Variants in GRM5 observed in about 807,000 individuals in gnomAD.
GRM5 encodes metabotropic glutamate receptor 5.
In GRM5, 19 loss-of-function variants were observed where a neutral mutation model predicts 83.1. That is an observed-to-expected ratio of 0.23 (90% CI 0.16 to 0.34). The LOEUF (loss-of-function observed/expected upper bound fraction) is 0.34. Ranked by LOEUF, GRM5 falls within the 10% of genes least tolerant of loss-of-function variation. The pLI is 1.00. For synonymous variants in GRM5, 675 were observed against 633.6 expected (o/e 1.07, Z -0.98); for missense variants, 1,160 against 1,588.3 (o/e 0.73, Z 4.58).
chr11:88,867,462 G>A (rs960249033), intron 2 of GRM5, among the ~76,000 whole-genome samples: 24 of 151,686 alleles, frequency 1.6e-4, no homozygotes, highest in African/African-American at 3.1e-4. Context: ...GTTTTATTGC[G>A]TCTTTTTTCA....
chr11:88,549,899 T>C (rs946198770), intron 8 of GRM5, among the ~76,000 whole-genome samples: 6 of 152,248 alleles, frequency 3.9e-5, no homozygotes, highest in Admixed American at 1.3e-4. Context: ...GACAGGGTGG[T>C]GGATCAACAA....
chr11:88,909,582 T>A (rs1945460762), intron 2 of GRM5, among the ~76,000 whole-genome samples: 1 of 151,192 alleles, frequency 6.6e-6, no homozygotes, highest in South Asian at 2.1e-4. Context: ...ATTTTCTATT[T>A]TCATCTCTAG....
At chr11:88,630,220 T>C (rs760667174) in intron 4 of GRM5, among the ~76,000 whole-genome samples, 2 of 152,152 alleles carry the variant, frequency 1.3e-5, no homozygotes, top group Non-Finnish European at 2.9e-5. Context: ...TAATATAGTA[T>C]ATATTTCACT....
intron 3 of GRM5, among the ~76,000 whole-genome samples, chr11:88,696,851 T>A (rs2135367286): frequency 6.6e-6 from 1 of 152,318 alleles, no homozygotes; most frequent in East Asian, 1.9e-4. Flanking sequence ...AAATCTTTGA[T>A]AACTTATCAC....
chr11:88,638,406 G>C (rs896105635), intron 4 of GRM5, among the ~76,000 whole-genome samples: 1 of 150,638 alleles, frequency 6.6e-6, no homozygotes, highest in African/African-American at 2.4e-5. Flanking sequence ...GGTATATTGG[G>C]GTATAATTGT....
intron 2 of GRM5, among the ~76,000 whole-genome samples, chr11:88,928,354 T>C (rs1014204553): frequency 6.0e-4 from 91 of 152,176 alleles, no homozygotes; most frequent in African/African-American, 2.1e-3. Flanking sequence ...TCCACACTTG[T>C]GGGTTGCGAT....
chr11:88,800,322 G>A (rs1349322256), intron 3 of GRM5, among the ~76,000 whole-genome samples: 1 of 151,912 alleles, frequency 6.6e-6, no homozygotes, highest in Non-Finnish European at 1.5e-5. Context: ...TGTGTGCTAT[G>A]CAATTTTCTT....
At chr11:89,059,910 A>G (rs1405377979) in intron 1 of GRM5, among the ~76,000 whole-genome samples, 2 of 152,010 alleles carry the variant, frequency 1.3e-5, no homozygotes, top group African/African-American at 4.8e-5. Context: ...TTTATTCATC[A>G]TATTCACTCC....
intron 2 of GRM5, among the ~76,000 whole-genome samples, chr11:88,981,491 C>G (rs1939521276): frequency 6.6e-6 from 1 of 152,076 alleles, no homozygotes; most frequent in Non-Finnish European, 1.5e-5. Context: ...ATGCTATTTA[C>G]AGACAAAACA....
At chr11:88,589,445 T>C (rs114312618) in intron 7 of GRM5, among the ~76,000 whole-genome samples, 2,170 of 152,224 alleles carry the variant, frequency 0.014, 64 homozygotes, top group African/African-American at 0.05. Context: ...GTCTCCTGTA[T>C]ACATACCAAT....
intron 3 of GRM5, among the ~76,000 whole-genome samples, chr11:88,718,810 A>AACTC (rs1394193189): frequency 1.3e-5 from 2 of 152,006 alleles, no homozygotes; most frequent in African/African-American, 4.8e-5. Flanking sequence ...CTAAAGGCTT[A>AACTC]ACTCATAGTA....
Position 88,567,865 on chromosome 11 carries a change from A to G in GRM5, c.1818T>C (p.Asp606=). 1 of 1,613,864 alleles carries G rather than the reference A, an allele frequency of 6.2e-7. No individual in the cohort carries two copies. Among genetic ancestry groups the G allele is most frequent in the Non-Finnish European group, 8.5e-7 (1 of 1,179,718 alleles). The change falls in exon 8 of 10, where the codon GAT becomes GAC. Residue 606 remains aspartate (D), a synonymous_variant. Coordinates refer to ENST00000305447, the MANE Select transcript of GRM5 (RefSeq NM_001143831.3). The surrounding 1 kb of genome is among the most constrained non-coding windows in gnomAD (Gnocchi z 7.3). The part of the protein sequence containing the change: ...FVTVVFIIYR[D]TPVVKSSSRE... The stretch of plus-strand genomic sequence containing the variant: ...TGCTTGAGGACTTGACTACTGGTGT[A>G]TCACGGTAAATGATGAAGACTACAG...
At chr11:88,959,075 A>G (rs1458413736) in intron 2 of GRM5, among the ~76,000 whole-genome samples, 2 of 152,140 alleles carry the variant, frequency 1.3e-5, no homozygotes, top group Admixed American at 6.5e-5. Context: ...AGAAATAGAG[A>G]TATATGGCAT....
intron 3 of GRM5, among the ~76,000 whole-genome samples, chr11:88,827,320 A>G (rs1943909859): frequency 6.6e-6 from 1 of 152,138 alleles, no homozygotes; most frequent in Non-Finnish European, 1.5e-5. Context: ...CTTCCAGCAC[A>G]CTTCATCTTT....
intron 2 of GRM5, among the ~76,000 whole-genome samples, chr11:88,928,464 G>GTGTA (rs772061967): frequency 3.5e-5 from 4 of 115,812 alleles, no homozygotes; most frequent in Middle Eastern, 4.1e-3. Flanking sequence ...GTGTGTGTGT[G>GTGTA]TATATATATA....
chr11:88,602,378 G>A (rs1938023717), intron 5 of GRM5, among the ~76,000 whole-genome samples: 1 of 152,188 alleles, frequency 6.6e-6, no homozygotes, highest in Non-Finnish European at 1.5e-5. Context: ...AATCAGATGA[G>A]AGATTTAAAA....
intron 2 of GRM5, among the ~76,000 whole-genome samples, chr11:88,941,794 T>C (rs1938123078): frequency 6.6e-6 from 1 of 152,048 alleles, no homozygotes; most frequent in Admixed American, 6.6e-5. Context: ...ATATACCTAC[T>C]GATGCGATGA....
intron 2 of GRM5, among the ~76,000 whole-genome samples, chr11:88,964,239 G>A (rs1394118350): frequency 6.6e-6 from 1 of 152,076 alleles, no homozygotes; most frequent in Non-Finnish European, 1.5e-5. Flanking sequence ...TGAGACATTG[G>A]AGCCACCACA....
At chr11:89,015,965 G>A (rs1204957201) in intron 2 of GRM5, among the ~76,000 whole-genome samples, 2 of 151,910 alleles carry the variant, frequency 1.3e-5, no homozygotes, top group East Asian at 1.9e-4. Flanking sequence ...GGTCCTCCCT[G>A]TTTCTAAAAG....
Sources: gnomAD v4.1 joint callset for allele counts (sites outside exome capture counted in the v4.1 genomes callset) on GRCh38, gnomAD v4.1.1 for gene constraint, Gnocchi (gnomAD v3.1) non-coding constraint, MANE v1.5 for transcripts, NCBI Gene and HGNC (gene_info 2026-07-23, HGNC 2026-07-21) for gene names.